Variants in PPCDC observed in about 807,000 individuals in gnomAD.
PPCDC encodes the protein phosphopantothenoylcysteine decarboxylase.
In PPCDC, 20 loss-of-function variants were observed where a neutral mutation model predicts 20.7. That is an observed-to-expected ratio of 0.97 (90% CI 0.68 to 1.41). The LOEUF (loss-of-function observed/expected upper bound fraction) is 1.41, where lower values mean the gene tolerates loss of function less well. Ranked by LOEUF, PPCDC falls within the 40% of genes most tolerant of loss-of-function variation. PPCDC has a pLI of 0.00. For synonymous variants in PPCDC, 88 were observed against 100.3 expected (o/e 0.88, Z 0.73); for missense variants, 246 against 263.8 (o/e 0.93, Z 0.47).
At chr15:75,031,047 A>T (rs1461254074) in intron 2 of PPCDC, among the ~76,000 whole-genome samples, 1 of 152,062 alleles carries the variant, frequency 6.6e-6, no homozygotes, top group African/African-American at 2.4e-5. Flanking sequence ...AGCTGAGCAC[A>T]TTTCTGACGC....
intron 2 of PPCDC, 156 bp from the exon 3 acceptor site, chr15:75,043,285 C>T: frequency 1.6e-6 from 1 of 615,574 alleles, no homozygotes; most frequent in South Asian, 2.1e-5. Flanking sequence ...AGTAGCTAAG[C>T]AGACATGAGG....
chr15:75,026,137 G>A (rs537895345), intron 1 of PPCDC, among the ~76,000 whole-genome samples: 53 of 152,290 alleles, frequency 3.5e-4, no homozygotes, highest in Non-Finnish European at 7.5e-4. Flanking sequence ...AGCTTGATGT[G>A]GAGGAGGTTC....
chr15:75,028,191 C>T, intron 1 of PPCDC, 56 bp from the exon 2 acceptor site: 1 of 1,272,278 alleles, frequency 7.9e-7, no homozygotes, highest in Non-Finnish European at 1.1e-6. Context: ...ACGTGGTGCT[C>T]CATACATTCT....
intron 1 of PPCDC, among the ~76,000 whole-genome samples, chr15:75,025,808 C>T (rs1213898320): frequency 6.6e-6 from 1 of 152,172 alleles, no homozygotes; most frequent in East Asian, 1.9e-4. Flanking sequence ...ATCCTCTTTG[C>T]AAGCAAATGA....
rs917645961 is a variant in PPCDC, at chr15:75,050,492, A to C, written c.*1257A>C. 3 of 152,338 alleles carry C rather than the reference A, an allele frequency of 2.0e-5. No individual in the cohort carries two copies. The highest frequency in any genetic ancestry group is 7.2e-5 in the African/African-American group (3 of 41,436). 9.4% of individuals were successfully genotyped at this position (152,338 alleles called of 1,614,324 possible). On this transcript the variant is annotated 3_prime_UTR_variant, in exon 6 of 6. Coordinates refer to ENST00000342932, the MANE Select transcript of PPCDC (RefSeq NM_021823.5). Reference sequence around the variant, plus strand: ...GGGCTTGTCTGCGTATTTGGAGCTGAGGCTGAGGCTGGCTTCCTGCCCTCT... The same window carrying C: ...GGGCTTGTCTGCGTATTTGGAGCTGCGGCTGAGGCTGGCTTCCTGCCCTCT...
intron 4 of PPCDC, among the ~76,000 whole-genome samples, chr15:75,046,607 A>G (rs2066237850): frequency 6.6e-6 from 1 of 152,248 alleles, no homozygotes. Context: ...CCTCGAAGTC[A>G]CAAATGTTTC....
At position 75,024,758 on chromosome 15, in the gene PPCDC, G is replaced by A. The variant is rs546313595; in HGVS notation, c.-73+1132G>A. On this transcript the variant is annotated intron_variant, in intron 1 of 5. Transcript: ENST00000342932. ...TGCAATCATAGCTCACTGCATCTTC[G>A]AACTCCCTGGGCTCAGATAATCCTC... 1.1e-4 allele frequency among the ~76,000 whole-genome samples: 17 copies of A among 149,074 alleles called. No individual in the cohort carries two copies. In the South Asian group the frequency reaches 3.2e-3, roughly 28 times the overall value.
intron 4 of PPCDC, chr15:75,044,733 T>A (rs921146868): frequency 9.1e-6 from 5 of 547,918 alleles, no homozygotes; most frequent in Admixed American, 7.1e-5. Context: ...CTGCCACTGC[T>A]CCCCAGGAGT....
At chr15:75,031,552 CA>C (rs1216267757) in intron 2 of PPCDC, among the ~76,000 whole-genome samples, 1 of 152,034 alleles carries the variant, frequency 6.6e-6, no homozygotes, top group Non-Finnish European at 1.5e-5. Flanking sequence ...ACTAAAAATA[CA>C]AAAATTACCC....
chr15:75,044,349 T>C lies in PPCDC; in HGVS notation c.232-37T>C, dbSNP rs749097613. Reference sequence around the variant, plus strand: ...GGCCTGCCTTGGCGCTGCATCCTGCTTCCTCCACACTGACCCCTTTTTCTT... The same window carrying C: ...GGCCTGCCTTGGCGCTGCATCCTGCCTCCTCCACACTGACCCCTTTTTCTT... On this transcript the variant is annotated intron_variant, in intron 3 of 5. Transcript: ENST00000342932. 4.4e-6 allele frequency: 7 copies of C among 1,609,048 alleles called. No individual in the cohort carries two copies. In the South Asian group the frequency reaches 6.6e-5, roughly 15 times the overall value.
chr15:75,045,731 G>C (rs879714636), intron 4 of PPCDC, among the ~76,000 whole-genome samples: 25 of 152,060 alleles, frequency 1.6e-4, no homozygotes, highest in Non-Finnish European at 3.2e-4. Context: ...GAGAGAGCCT[G>C]GGTGCAATGT....
chr15:75,024,283 A>G (rs1283257495), intron 1 of PPCDC, among the ~76,000 whole-genome samples: 1 of 152,012 alleles, frequency 6.6e-6, no homozygotes, highest in Admixed American at 6.5e-5. Flanking sequence ...CTGCCTTTCT[A>G]GTAGCCCACG....
chr15:75,031,545 A>G (rs2066021789), intron 2 of PPCDC, among the ~76,000 whole-genome samples: 1 of 152,062 alleles, frequency 6.6e-6, no homozygotes. Flanking sequence ...CAGCTCTACT[A>G]AAAATACAAA....
At chr15:75,028,022 C>A in intron 1 of PPCDC, 1 of 355,776 alleles carries the variant, frequency 2.8e-6, no homozygotes, top group Non-Finnish European at 5.1e-6. Context: ...CCTGAGCAGC[C>A]ACGCACCTGG....
intron 3 of PPCDC, 75 bp from the exon 4 acceptor site, chr15:75,044,311 A>C: frequency 1.7e-4 from 274 of 1,580,044 alleles, no homozygotes; most frequent in Non-Finnish European, 2.1e-4. Context: ...CAGTCTCCTG[A>C]CTTACCGTAC....
Position 75,048,725 on chromosome 15 carries a change from G to A in PPCDC, c.529+4G>A, listed in dbSNP as rs2066274183. 1.2e-6 allele frequency: 2 copies of A among 1,613,716 alleles called. No individual in the cohort carries two copies. The highest frequency in any genetic ancestry group is 1.7e-6 in the Non-Finnish European group (2 of 1,179,736). ...AAGCTGGTGTGCGGAGATGAAGGTG[G>A]GTGTCTTGCCAGGCTTATAGCCCAG... On this transcript the variant is annotated splice_donor_region_variant and intron_variant, in intron 5 of 5. Coordinates refer to ENST00000342932, the MANE Select transcript of PPCDC (RefSeq NM_021823.5).
In PPCDC at chr15:75,031,480, C is replaced by T. The variant is rs528045075; in HGVS notation, c.135+3027C>T. On this transcript the variant is annotated intron_variant, in intron 2 of 5. Coordinates refer to ENST00000342932, the MANE Select transcript of PPCDC (RefSeq NM_021823.5). ...GGTGGCTCACTTTGGGAGGCTGAGG[C>T]GGGCGGATCACTTGAGGCCAGTTCG... 5.7e-4 allele frequency among the ~76,000 whole-genome samples: 86 copies of T among 152,152 alleles called. 1 individual carries two copies. The highest frequency in any genetic ancestry group is 1.5e-3 in the African/African-American group (62 of 41,506).
intron 4 of PPCDC, among the ~76,000 whole-genome samples, chr15:75,045,607 T>C (rs952765194): frequency 3.9e-5 from 6 of 152,192 alleles, no homozygotes; most frequent in African/African-American, 1.2e-4. Flanking sequence ...CAATGGGCTC[T>C]TAAGGCACTC....
At chr15:75,029,441 C>T (rs559932240) in intron 2 of PPCDC, among the ~76,000 whole-genome samples, 103 of 152,250 alleles carry the variant, frequency 6.8e-4, no homozygotes, top group Admixed American at 1.8e-3. Context: ...GTGCAGTGGC[C>T]GTATCTGGCA....
Sources: gnomAD v4.1 joint callset for allele counts (sites outside exome capture counted in the v4.1 genomes callset) on GRCh38, gnomAD v4.1.1 for gene constraint, MANE v1.5 for transcripts, NCBI Gene and HGNC (gene_info 2026-07-23, HGNC 2026-07-21) for gene names.